Variants in TMEM132A observed in about 807,000 individuals in gnomAD.
TMEM132A encodes the protein GRP78-binding protein.
TMEM132A carries 48 observed loss-of-function variants against 69.9 expected under a neutral mutation model. That is an observed-to-expected ratio of 0.69 (90% confidence interval 0.55 to 0.87). TMEM132A has a LOEUF of 0.87. Among genes scored for constraint, TMEM132A ranks in the 40% least tolerant of loss-of-function variants. TMEM132A has a pLI of 0.00. For synonymous variants in TMEM132A, 577 were observed against 613.7 expected, an observed-to-expected ratio of 0.94 and a Z score of 0.88; for missense variants, 1,287 against 1,407.2, an observed-to-expected ratio of 0.91 and a Z score of 1.37.
At chr11:60,934,035 C>T in intron 8 of TMEM132A, 1 of 480,554 alleles carries the variant, frequency 2.1e-6, no homozygotes, top group South Asian at 3.5e-5. Flanking sequence ...TTCCACGCTC[C>T]TCCCCCGAGA....
At chr11:60,928,446 C>A (rs1026540979) in intron 3 of TMEM132A, among the ~76,000 whole-genome samples, 183 bp from the exon 4 acceptor site, 2 of 152,166 alleles carry the variant, frequency 1.3e-5, no homozygotes, top group African/African-American at 4.8e-5. Context: ...GAAACCTAGA[C>A]CTGGTTTGAA....
rs1764487162 is a variant in TMEM132A at position 60,936,574 on chromosome 11, C to T, written c.2739C>T (p.Ser913=). ...TGAGCCGCCAGCTGGACCGGCAGTC[C>T]CCTGGCCCGCCCAAGGGGGAGGGGA... ...EELSRQLDRQ[S]PGPPKGEGSC... Residue 913 remains serine, a synonymous_variant, in exon 11 of 11, where the codon TCC becomes TCT. Coordinates refer to ENST00000453848, the MANE Select transcript of TMEM132A (RefSeq NM_178031.3). 1 of 1,605,548 alleles carries T rather than the reference C, an allele frequency of 6.2e-7. No individual in the cohort carries two copies. Among genetic ancestry groups the T allele is most frequent in the East Asian group, 2.2e-5 (1 of 44,810 alleles).
At chr11:60,933,967 G>A (rs1285080513) in intron 8 of TMEM132A, 2 of 576,914 alleles carry the variant, frequency 3.5e-6, no homozygotes, top group East Asian at 2.8e-5. Flanking sequence ...CACTTCTCCC[G>A]TAGCACCCTC....
At chr11:60,933,037 C>G (rs1022486862) in intron 7 of TMEM132A, 1 of 152,832 alleles carries the variant, frequency 6.5e-6, no homozygotes, top group Middle Eastern at 3.4e-3. Flanking sequence ...ATGGCCCCTA[C>G]AGTAAAATCT....
chr11:60,927,531 G>A, intron 2 of TMEM132A, 110 bp from the exon 3 acceptor site: 2 of 1,415,778 alleles, frequency 1.4e-6, no homozygotes, highest in Admixed American at 4.0e-5. Flanking sequence ...TATTCCAGAG[G>A]GGGAAACTGA....
intron 3 of TMEM132A, among the ~76,000 whole-genome samples, chr11:60,928,116 G>A (rs1026257637): frequency 2.6e-5 from 4 of 152,228 alleles, no homozygotes; most frequent in African/African-American, 9.6e-5. Context: ...GAAGAATGGG[G>A]TGTTAAGAAT....
chr11:60,935,913 C>T lies in TMEM132A; in HGVS notation c.2078C>T (p.Pro693Leu). The change falls in exon 11 of 11, where the codon CCA (proline) becomes CTA (leucine). Residue 693 changes from proline (P) to leucine (L), a missense_variant. By Grantham distance (98) the Pro-to-Leu change is moderately conservative (BLOSUM62 -3). Coordinates refer to ENST00000453848, the MANE Select transcript of TMEM132A (RefSeq NM_178031.3). This position sits in a 1 kb window ranked among gnomAD's most constrained non-coding sequence, Gnocchi z 5.0. ...WLSFSDHTVA[P>L]AELYDRRDLG... is the part of the protein sequence containing the mutation. ...TCCTTCTCTGATCACACTGTGGCCC[C>T]AGCTGAGCTCTACGACCGCCGTGAC... The T allele has an allele frequency of 6.2e-7, 1 of 1,612,028 alleles. No individual in the cohort carries two copies. The highest frequency in any genetic ancestry group is 2.2e-5 in the East Asian group (1 of 44,880).
Position 60,927,768 on chromosome 11 carries a change from A to C in TMEM132A, c.443A>C (p.Gln148Pro). 6.2e-7 allele frequency: 1 copy of C among 1,613,218 alleles called. No homozygotes were observed. The highest frequency in any genetic ancestry group is 8.5e-7 in the Non-Finnish European group (1 of 1,180,030). Residue 148 changes from glutamine (Q) to proline (P), a missense_variant, in exon 3 of 11, where the codon CAG (glutamine) becomes CCG (proline). Gln to Pro is a moderately conservative substitution (Grantham distance 76, BLOSUM62 -1). Transcript: ENST00000453848. ...YARVLFHLKG[Q>P]DWPPGSGSLP... ...CGGGTTCTCTTCCACCTCAAAGGGC[A>C]GGATTGGCCACCAGGGTCTGGCAGC... is the stretch of plus-strand genomic sequence containing the variant.
At position 60,935,622 on chromosome 11, in the gene TMEM132A, T is replaced by C. The variant is rs559920714; in HGVS notation, c.2028+179T>C. ...AGGTGATCAAGCAGTGGCTGGAGTA[T>C]GGCAGTGGGAGGTTGGTTAGATGGC... On this transcript the variant is annotated intron_variant, in intron 10 of 10. Transcript: ENST00000453848. The surrounding 1 kb of genome is among the most constrained non-coding windows in gnomAD (Gnocchi z 5.0). 1.8e-4 allele frequency: 142 copies of C among 799,196 alleles called. No individual in the cohort carries two copies. The highest frequency in any genetic ancestry group is 3.7e-4 in the Admixed American group (13 of 35,576). 49.5% of individuals were successfully genotyped at this position (799,196 alleles called of 1,614,324 possible).
chr11:60,932,014 A>C lies in TMEM132A; in HGVS notation c.1243A>C (p.Thr415Pro), dbSNP rs1210108389. The change falls in exon 7 of 11, where the codon ACT becomes CCT. Residue 415 changes from threonine (T) to proline (P), a missense_variant. Physicochemically the swap from Thr to Pro is conservative, Grantham distance 38 (BLOSUM62 -1). Coordinates refer to ENST00000453848, the MANE Select transcript of TMEM132A (RefSeq NM_178031.3). Reference protein sequence around the residue: ...AEELVNTAPLTGVPQHVPVRL... With the variant: ...AEELVNTAPLPGVPQHVPVRL... ...GGAGCTGGTGAATACAGCACCACTGACTGGAGTGCCCCAGCATGTCCCCGT... is the reference window on the plus strand; with the variant it reads ...GGAGCTGGTGAATACAGCACCACTGCCTGGAGTGCCCCAGCATGTCCCCGT... 14 of 1,601,804 alleles carry C rather than the reference A, an allele frequency of 8.7e-6. No homozygotes were observed. Among genetic ancestry groups the C allele is most frequent in the Non-Finnish European group, 1.2e-5 (14 of 1,174,218 alleles).
Position 60,935,685 on chromosome 11 carries a change from G to A in TMEM132A, c.2029-179G>A, listed in dbSNP as rs542866573. The A allele has an allele frequency of 4.4e-5, 37 of 836,142 alleles. No homozygotes were observed. In the East Asian group the frequency reaches 9.1e-4, roughly 21 times the overall value. The allele number at this position is 836,142 out of a possible 1,614,324, so 51.8% of individuals were successfully genotyped here. On this transcript the variant is annotated intron_variant, in intron 10 of 10. Coordinates refer to ENST00000453848, the MANE Select transcript of TMEM132A (RefSeq NM_178031.3). This position sits in a 1 kb window ranked among gnomAD's most constrained non-coding sequence, Gnocchi z 5.0. ...CCCTCCCAATAACTCAGACCCTAGG[G>A]CTGAGTGGCAGACAGGTGATTGACA...
In TMEM132A at chr11:60,935,988, A is replaced by G. The variant is rs1333169472; in HGVS notation, c.2153A>G (p.Glu718Gly). The G allele has an allele frequency of 6.2e-7, 1 of 1,610,092 alleles. No homozygotes were observed. The highest frequency in any genetic ancestry group is 8.5e-7 in the Non-Finnish European group (1 of 1,179,586). Residue 718 changes from glutamate to glycine, a missense_variant, in exon 11 of 11, where the codon GAG becomes GGG. Coordinates refer to ENST00000453848, the MANE Select transcript of TMEM132A (RefSeq NM_178031.3). This position sits in a 1 kb window ranked among gnomAD's most constrained non-coding sequence, Gnocchi z 5.0. Reference sequence around the variant, plus strand: ...GAGCCTGGTGCCATCCTGCCAGCTGAGGAGCAGGGTGCCCAGCTCGGGGTG... The same window carrying G: ...GAGCCTGGTGCCATCCTGCCAGCTGGGGAGCAGGGTGCCCAGCTCGGGGTG... ...AEEPGAILPA[E>G]EQGAQLGVVV...
chr11:60,924,831 GA>G (rs1856315562), intron 1 of TMEM132A, 98 bp downstream of exon 1: 1 of 912,738 alleles, frequency 1.1e-6, no homozygotes, highest in East Asian at 3.1e-5. Flanking sequence ...TTCTCGGACT[GA>G]ACCCTGAGCG....
rs1235757024 is a variant in TMEM132A, at chr11:60,933,756, C to T, written c.1559+12C>T. ...GGCCCTGCTGAAGGGTGAGTGGAGG[C>T]CTGAGGAAGCTGGCAGGCCTTGGCG... On this transcript the variant is annotated intron_variant, in intron 8 of 10. Coordinates refer to ENST00000453848, the MANE Select transcript of TMEM132A (RefSeq NM_178031.3). The T allele has an allele frequency of 6.4e-7, 1 of 1,554,620 alleles. No homozygotes were observed. Among genetic ancestry groups the T allele is most frequent in the East Asian group, 2.4e-5 (1 of 41,660 alleles).
In TMEM132A at chr11:60,933,566, T is replaced by C; in HGVS notation, c.1381T>C (p.Phe461Leu). The C allele has an allele frequency of 6.2e-7, 1 of 1,607,828 alleles. No homozygotes were observed. The highest frequency in any genetic ancestry group is 8.5e-7 in the Non-Finnish European group (1 of 1,179,202). Residue 461 changes from phenylalanine to leucine, a missense_variant, in exon 8 of 11, where the codon TTC becomes CTC. By Grantham distance (22) the Phe-to-Leu change is conservative. Coordinates refer to ENST00000453848, the MANE Select transcript of TMEM132A (RefSeq NM_178031.3). ...GGTGTCTGAGGCCTGTGATGCCGTG[T>C]TCGTGGCTGGCAAGGAGAGCCGGGG... ...LQVSEACDAV[F>L]VAGKESRGAR...
At position 60,935,804 on chromosome 11, in the gene TMEM132A, T is replaced by G; in HGVS notation, c.2029-60T>G. 1 of 1,574,342 alleles carries G rather than the reference T, an allele frequency of 6.4e-7. No homozygotes were observed. The highest frequency in any genetic ancestry group is 1.2e-5 in the South Asian group (1 of 85,364). On this transcript the variant is annotated intron_variant, in intron 10 of 10. Transcript: ENST00000453848. The surrounding 1 kb of genome is among the most constrained non-coding windows in gnomAD (Gnocchi z 5.0). ...ATGTGGCCTATCTCTGTGGGAGTGGTTTCTCTGTGCATGCGTGCGTGCCCT... is the reference window on the plus strand; with the variant it reads ...ATGTGGCCTATCTCTGTGGGAGTGGGTTCTCTGTGCATGCGTGCGTGCCCT...
intron 4 of TMEM132A, among the ~76,000 whole-genome samples, chr11:60,929,521 G>A (rs1362146589): frequency 6.6e-6 from 1 of 152,176 alleles, no homozygotes; most frequent in Non-Finnish European, 1.5e-5. Flanking sequence ...GGCTTGCAGA[G>A]TATGACTTGC....
Position 60,935,817 on chromosome 11 carries a change from G to A in TMEM132A, c.2029-47G>A, listed in dbSNP as rs1474075758. 28 of 1,594,596 alleles carry A rather than the reference G, an allele frequency of 1.8e-5. No individual in the cohort carries two copies. The highest frequency in any genetic ancestry group is 2.4e-5 in the Non-Finnish European group (28 of 1,171,916). ...CTGTGGGAGTGGTTTCTCTGTGCAT[G>A]CGTGCGTGCCCTCGCATGTCTCTGC... On this transcript the variant is annotated intron_variant, in intron 10 of 10. Transcript: ENST00000453848. The surrounding 1 kb of genome is among the most constrained non-coding windows in gnomAD (Gnocchi z 5.0).
intron 9 of TMEM132A, 111 bp downstream of exon 9, chr11:60,934,875 A>T (rs555618): frequency 0.43 from 507,243 of 1,192,266 alleles, 109,297 homozygotes; most frequent in Middle Eastern, 0.48. Context: ...TGTGTGGGGG[A>T]GTTGTGCGGT....
Sources: allele counts gnomAD v4.1 joint callset (sites outside exome capture counted in the v4.1 genomes callset), GRCh38; gene constraint gnomAD v4.1.1; non-coding constraint Gnocchi (gnomAD v3.1); transcripts MANE v1.5; gene names NCBI Gene and HGNC (gene_info 2026-07-23, HGNC 2026-07-21).